Variants in XKR6 observed in about 807,000 individuals in gnomAD.
XKR6 encodes the protein XK related 6.
Under a neutral mutation model 56.7 loss-of-function variants are expected in XKR6, and 22 were observed. The observed-to-expected ratio is 0.39, with a 90% confidence interval of 0.28 to 0.55. The LOEUF (loss-of-function observed/expected upper bound fraction) is 0.55, where lower values mean the gene tolerates loss of function less well. XKR6 is among the 20% of genes least tolerant of loss of function. The pLI is 0.66. For synonymous variants in XKR6, 524 were observed against 387.8 expected (o/e 1.35, Z -4.13); for missense variants, 852 against 889.0 (o/e 0.96, Z 0.53).
intron 2 of XKR6, among the ~76,000 whole-genome samples, chr8:10,916,149 G>C (rs1424111865): frequency 6.6e-6 from 1 of 152,214 alleles, no homozygotes; most frequent in Non-Finnish European, 1.5e-5. Flanking sequence ...CACTGGCAAG[G>C]GGCCAGGACA....
chr8:11,057,867 A>G (rs1263750827), intron 1 of XKR6, among the ~76,000 whole-genome samples: 2 of 152,236 alleles, frequency 1.3e-5, no homozygotes, highest in African/African-American at 2.4e-5. Context: ...ATGCACAGAC[A>G]TGAATCACAG....
intron 2 of XKR6, among the ~76,000 whole-genome samples, chr8:10,901,012 A>AAG (rs1800021618): frequency 1.3e-5 from 2 of 150,336 alleles, no homozygotes; most frequent in African/African-American, 4.9e-5. Context: ...GAGCCCAGCT[A>AAG]AGATTTTTAT....
At chr8:11,068,334 G>C (rs535560723) in intron 1 of XKR6, among the ~76,000 whole-genome samples, 9 of 152,262 alleles carry the variant, frequency 5.9e-5, no homozygotes, top group Admixed American at 5.2e-4. Flanking sequence ...TACGGTGGGT[G>C]GGGGGCTGGG....
At chr8:10,987,697 T>G (rs1191777478) in intron 1 of XKR6, among the ~76,000 whole-genome samples, 1 of 152,200 alleles carries the variant, frequency 6.6e-6, no homozygotes, top group Non-Finnish European at 1.5e-5. Context: ...GACTTCCCAC[T>G]TCACCTAGAT....
intron 1 of XKR6, among the ~76,000 whole-genome samples, chr8:10,991,092 C>T (rs921655786): frequency 9.2e-5 from 14 of 151,818 alleles, no homozygotes; most frequent in African/African-American, 2.9e-4. Flanking sequence ...TTAGTAGAGA[C>T]GGGGTTTCAC....
intron 1 of XKR6, among the ~76,000 whole-genome samples, chr8:11,021,377 A>G (rs1293438923): frequency 6.6e-6 from 1 of 152,234 alleles, no homozygotes; most frequent in Admixed American, 6.5e-5. Context: ...GCTGGATTCC[A>G]TAAGTTCCAT....
At chr8:10,958,214 G>A (rs976254745) in intron 1 of XKR6, among the ~76,000 whole-genome samples, 10 of 152,306 alleles carry the variant, frequency 6.6e-5, no homozygotes, top group Admixed American at 3.3e-4. Flanking sequence ...GCAAGTTCCC[G>A]TTTGGATGGC....
chr8:11,121,765 G>C (rs1799467948), intron 1 of XKR6, among the ~76,000 whole-genome samples: 1 of 152,170 alleles, frequency 6.6e-6, no homozygotes, highest in African/African-American at 2.4e-5. Context: ...ATTCACTATA[G>C]CAAAGACTTG....
chr8:11,057,599 C>T (rs554357649), intron 1 of XKR6, among the ~76,000 whole-genome samples: 5 of 152,252 alleles, frequency 3.3e-5, no homozygotes, highest in Non-Finnish European at 4.4e-5. Context: ...AGAGGCTGGG[C>T]GGGTGTAGTT....
At chr8:11,096,727 C>T (rs1008439613) in intron 1 of XKR6, among the ~76,000 whole-genome samples, 15 of 152,388 alleles carry the variant, frequency 9.8e-5, no homozygotes, top group Admixed American at 9.8e-4. Context: ...CTCCTGCCAA[C>T]AGCTGGGTCC....
intron 1 of XKR6, among the ~76,000 whole-genome samples, chr8:10,951,299 G>GTGTGTGTGTGTGTGTGTGT (rs762396240): frequency 2.6e-5 from 3 of 117,542 alleles, no homozygotes; most frequent in Non-Finnish European, 3.6e-5. Flanking sequence ...GTGTGTGTGT[G>GTGTGTGTGTGTGTGTGTGT]GGGGGGGGGG....
chr8:10,974,107 T>C (rs943578942), intron 1 of XKR6, among the ~76,000 whole-genome samples: 1 of 152,226 alleles, frequency 6.6e-6, no homozygotes, highest in African/African-American at 2.4e-5. Context: ...CTTGTCATTC[T>C]CTCTCAGTTG....
intron 1 of XKR6, among the ~76,000 whole-genome samples, chr8:11,090,491 T>C (rs1189188500): frequency 6.6e-6 from 1 of 152,044 alleles, no homozygotes; most frequent in Non-Finnish European, 1.5e-5. Flanking sequence ...CAGCAGATGG[T>C]AGGTGTCTCA....
At chr8:11,190,247 A>G (rs1006160055) in intron 1 of XKR6, among the ~76,000 whole-genome samples, 4 of 151,620 alleles carry the variant, frequency 2.6e-5, no homozygotes, top group Non-Finnish European at 2.9e-5. Context: ...AGAAAAAAGA[A>G]AAGAAAAGAA....
At chr8:10,936,120 C>T (rs1429613102) in intron 1 of XKR6, among the ~76,000 whole-genome samples, 2 of 149,600 alleles carry the variant, frequency 1.3e-5, no homozygotes, top group African/African-American at 4.9e-5. Flanking sequence ...ATAGTTAGCT[C>T]CTCTTGTTGA....
At chr8:11,115,890 C>A (rs1327072079) in intron 1 of XKR6, among the ~76,000 whole-genome samples, 1 of 152,174 alleles carries the variant, frequency 6.6e-6, no homozygotes, top group East Asian at 1.9e-4. Flanking sequence ...TGGAGTCTAA[C>A]TAAATTTAAT....
At chr8:11,017,596 G>T (rs898941699) in intron 1 of XKR6, among the ~76,000 whole-genome samples, 5 of 152,234 alleles carry the variant, frequency 3.3e-5, no homozygotes, top group African/African-American at 9.6e-5. Flanking sequence ...GGGCCTGCTC[G>T]AGAGGGGCTG....
chr8:11,188,670 C>T (rs1019927733), intron 1 of XKR6, among the ~76,000 whole-genome samples: 1 of 152,170 alleles, frequency 6.6e-6, no homozygotes, highest in Non-Finnish European at 1.5e-5. Context: ...ATTAACTCTT[C>T]TGTTGACTAC....
chr8:11,098,009 C>A (rs1020783997), intron 1 of XKR6, among the ~76,000 whole-genome samples: 2 of 151,900 alleles, frequency 1.3e-5, no homozygotes, highest in African/African-American at 4.8e-5. Flanking sequence ...TTCTGGGAAC[C>A]GGTGCAATTT....
Sources: allele counts gnomAD v4.1 joint callset (sites outside exome capture counted in the v4.1 genomes callset), GRCh38; gene constraint gnomAD v4.1.1; transcripts MANE v1.5; gene names NCBI Gene and HGNC (gene_info 2026-07-23, HGNC 2026-07-21).